Variants in ZC3HC1 observed in about 807,000 individuals in gnomAD.
ZC3HC1 encodes zinc finger C3HC-type containing 1.
ZC3HC1 carries 38 observed loss-of-function variants against 61.9 expected under a neutral mutation model. That is an observed-to-expected ratio of 0.61 (90% confidence interval 0.47 to 0.81). The LOEUF is 0.81. ZC3HC1 is among the 30% of genes least tolerant of loss of function. The pLI, the probability that ZC3HC1 is intolerant of heterozygous loss-of-function variation, is 0.00. For synonymous variants in ZC3HC1, 213 were observed against 229.9 expected (o/e 0.93, Z 0.67); for missense variants, 554 against 622.7 (o/e 0.89, Z 1.17).
chr7:130,051,243 G>C lies in ZC3HC1; in HGVS notation c.124C>G (p.Pro42Ala). 1 of 1,610,276 alleles carries C rather than the reference G, an allele frequency of 6.2e-7. No homozygotes were observed. The highest frequency in any genetic ancestry group is 8.5e-7 in the Non-Finnish European group (1 of 1,178,410). The change falls in exon 1 of 10, where the codon CCG becomes GCG. Residue 42 changes from proline to alanine, a missense_variant. Physicochemically the swap from Pro to Ala is conservative, Grantham distance 27. Coordinates refer to ENST00000358303, the MANE Select transcript of ZC3HC1 (RefSeq NM_016478.5). ...CACGCGTCCACGCCTCCCTCTTCCG[G>C]GGCAATCCCCTCATCTATCAGCTGC... ...IRQLIDEGIAPEEGGVDAKDT... is the reference protein window; with the variant it reads ...IRQLIDEGIAAEEGGVDAKDT...
At chr7:130,029,085 AC>A in intron 4 of ZC3HC1, 56 bp from the exon 5 acceptor site, 1 of 1,547,666 alleles carries the variant, frequency 6.5e-7, no homozygotes, top group Non-Finnish European at 8.7e-7. Context: ...AAAATAAAAA[AC>A]ACGGCTGGGC....
intron 4 of ZC3HC1, among the ~76,000 whole-genome samples, chr7:130,033,933 T>C (rs1355960338): frequency 6.6e-6 from 1 of 152,136 alleles, no homozygotes; most frequent in Non-Finnish European, 1.5e-5. Context: ...ATGCAAAGAA[T>C]TGTGGGCAGA....
intron 6 of ZC3HC1, 88 bp from the exon 7 acceptor site, chr7:130,024,594 T>A: frequency 7.0e-7 from 1 of 1,431,732 alleles, no homozygotes; most frequent in African/African-American, 1.4e-5. Flanking sequence ...CCTTATCTCA[T>A]CCAATTTCTG....
rs1328560146 is a variant in ZC3HC1 at position 130,023,468 on chromosome 7, T to C, written c.1233+43A>G. 7 of 1,596,502 alleles carry C rather than the reference T, an allele frequency of 4.4e-6. No individual in the cohort carries two copies. Among genetic ancestry groups the C allele is most frequent in the Middle Eastern group, 2.0e-4 (1 of 5,058 alleles). ...CATGCTGCCTAGGGAGGGCCCAATA[T>C]GCTGTTTATGCTCAGCCACTGCTAC... is the stretch of plus-strand genomic sequence containing the variant. On this transcript the variant is annotated intron_variant, in intron 8 of 9. Coordinates refer to ENST00000358303, the MANE Select transcript of ZC3HC1 (RefSeq NM_016478.5). This position sits in a 1 kb window ranked among gnomAD's most constrained non-coding sequence, Gnocchi z 4.2.
intron 9 of ZC3HC1, among the ~76,000 whole-genome samples, chr7:130,019,016 C>G (rs893446385): frequency 8.6e-5 from 13 of 151,308 alleles, no homozygotes; most frequent in African/African-American, 3.2e-4. Context: ...ACACTTCTGA[C>G]TTGCCGTTAG....
chr7:130,019,301 G>A (rs578027709), intron 9 of ZC3HC1, among the ~76,000 whole-genome samples: 7 of 151,998 alleles, frequency 4.6e-5, no homozygotes, highest in Non-Finnish European at 8.8e-5. Context: ...CGCCTGCCTC[G>A]GCCTCCCAAA....
At chr7:130,018,853 G>C (rs1348272527) in intron 9 of ZC3HC1, 121 bp from the exon 10 acceptor site, 3 of 809,946 alleles carry the variant, frequency 3.7e-6, no homozygotes, top group Non-Finnish European at 5.8e-6. Flanking sequence ...TTTGTAGTAT[G>C]CTATACATAA....
chr7:130,022,668 A>G, intron 8 of ZC3HC1, 143 bp from the exon 9 acceptor site: 1 of 861,906 alleles, frequency 1.2e-6, no homozygotes, highest in Non-Finnish European at 1.8e-6. Context: ...TTGCCTACAC[A>G]TTTTCCTCTC....
At chr7:130,025,238 T>C (rs1584843701) in intron 6 of ZC3HC1, among the ~76,000 whole-genome samples, 1 of 150,958 alleles carries the variant, frequency 6.6e-6, no homozygotes, top group East Asian at 2.1e-4. Context: ...CTTTTCCCTT[T>C]AAACAAAAAA....
chr7:130,023,775 G>T lies in ZC3HC1; in HGVS notation c.1021-52C>A. The T allele has an allele frequency of 7.2e-7, 1 of 1,394,202 alleles. No homozygotes were observed. The highest frequency in any genetic ancestry group is 9.9e-7 in the Non-Finnish European group (1 of 1,007,756). 86.4% of individuals were successfully genotyped at this position (1,394,202 alleles called of 1,614,324 possible). On this transcript the variant is annotated intron_variant, in intron 7 of 9. Transcript: ENST00000358303. The surrounding 1 kb of genome is among the most constrained non-coding windows in gnomAD (Gnocchi z 4.2). ...TACACGAATGATATTAATGATTATG[G>T]TCAGAAATACTTCTTTCTTTAATCT...
chr7:130,050,479 G>T (rs945318522), intron 1 of ZC3HC1: 22 of 1,517,726 alleles, frequency 1.4e-5, no homozygotes, highest in Non-Finnish European at 6.1e-6. Flanking sequence ...AGCCTCAAGC[G>T]GGTGTGGTTC....
At chr7:130,039,702 A>G in intron 3 of ZC3HC1, 155 bp from the exon 4 acceptor site, 1 of 550,418 alleles carries the variant, frequency 1.8e-6, no homozygotes, top group East Asian at 3.1e-5. Flanking sequence ...TTCACAAAAC[A>G]GGTTTTAAAT....
At chr7:130,032,041 T>C (rs1794220484) in intron 4 of ZC3HC1, among the ~76,000 whole-genome samples, 1 of 152,050 alleles carries the variant, frequency 6.6e-6, no homozygotes, top group Non-Finnish European at 1.5e-5. Flanking sequence ...CTGGCCAACA[T>C]GGTGAAACAC....
chr7:130,020,570 T>A (rs1390195431), intron 9 of ZC3HC1, among the ~76,000 whole-genome samples: 4 of 152,032 alleles, frequency 2.6e-5, no homozygotes, highest in African/African-American at 9.7e-5. Context: ...CCTCGGTATA[T>A]ACTTTTTTTT....
intron 3 of ZC3HC1, among the ~76,000 whole-genome samples, chr7:130,040,217 G>A (rs1310369355): frequency 1.5e-4 from 21 of 142,096 alleles, no homozygotes; most frequent in Non-Finnish European, 2.4e-4. Flanking sequence ...AAAAAAGGCC[G>A]GGCACGGTGG....
intron 4 of ZC3HC1, among the ~76,000 whole-genome samples, chr7:130,035,127 C>T (rs558012357): frequency 4.6e-5 from 7 of 152,196 alleles, no homozygotes; most frequent in South Asian, 4.1e-4. Flanking sequence ...CAGTGGTTCA[C>T]GCTTGTAATC....
At chr7:130,024,765 C>T (rs936990488) in intron 6 of ZC3HC1, among the ~76,000 whole-genome samples, 1 of 151,802 alleles carries the variant, frequency 6.6e-6, no homozygotes, top group Non-Finnish European at 1.5e-5. Context: ...GTTTCTCGGC[C>T]GGGTGCAGTG....
intron 9 of ZC3HC1, among the ~76,000 whole-genome samples, chr7:130,019,054 C>CTTTCTTT (rs779856466): frequency 5.3e-5 from 7 of 132,982 alleles, no homozygotes; most frequent in Admixed American, 7.8e-5. Flanking sequence ...ACTGGTTTTT[C>CTTTCTTT]TTTTTTTTTT....
intron 6 of ZC3HC1, among the ~76,000 whole-genome samples, chr7:130,025,824 G>A (rs1329917142): frequency 4.1e-5 from 5 of 120,952 alleles, no homozygotes; most frequent in African/African-American, 9.7e-5. Context: ...CTGAGATCGC[G>A]CACGCCACTA....
Sources: gnomAD v4.1 joint callset for allele counts (sites outside exome capture counted in the v4.1 genomes callset) on GRCh38, gnomAD v4.1.1 for gene constraint, Gnocchi (gnomAD v3.1) non-coding constraint, MANE v1.5 for transcripts, NCBI Gene and HGNC (gene_info 2026-07-23, HGNC 2026-07-21) for gene names.